The following SENP1 variants were observed in gnomAD, a reference collection of about 807,000 sequenced individuals.
The protein encoded by SENP1 is sentrin-specific protease 1.
Under a neutral mutation model 93.0 loss-of-function variants are expected in SENP1, and 21 were observed. The ratio of observed to expected loss-of-function variants is 0.23; its 90% CI spans 0.16 to 0.33. The LOEUF is 0.33. Ranked by LOEUF, SENP1 falls within the 10% of genes least tolerant of loss-of-function variation. The pLI, the probability that SENP1 is intolerant of heterozygous loss-of-function variation, is 1.00. For missense variants in SENP1, 591 were observed against 758.7 expected, an observed-to-expected ratio of 0.78 and a Z score of 2.60; for synonymous variants, 256 against 259.6, an observed-to-expected ratio of 0.99 and a Z score of 0.13.
At chr12:48,099,315 G>A (rs1945767362) in intron 2 of SENP1, among the ~76,000 whole-genome samples, 3 of 152,014 alleles carry the variant, frequency 2.0e-5, no homozygotes, top group Admixed American at 6.6e-5. Context: ...GTGACAGAGT[G>A]AGACCCTGTC....
At chr12:48,045,452 A>C (rs1347929994) in intron 17 of SENP1, 68 bp from the exon 18 acceptor site, 1 of 1,324,450 alleles carries the variant, frequency 7.6e-7, no homozygotes, top group Non-Finnish European at 1.1e-6. Context: ...CTTTCCCCAT[A>C]CTTCTTTCTT....
chr12:48,049,828 A>C (rs1941657718), intron 13 of SENP1, among the ~76,000 whole-genome samples: 1 of 152,138 alleles, frequency 6.6e-6, no homozygotes, highest in Non-Finnish European at 1.5e-5. Context: ...ATAAAAACCT[A>C]CCTTATATGA....
At chr12:48,100,440 G>C (rs1945846669) in intron 2 of SENP1, among the ~76,000 whole-genome samples, 3 of 152,102 alleles carry the variant, frequency 2.0e-5, no homozygotes, top group African/African-American at 7.2e-5. Flanking sequence ...AGACCAGCCT[G>C]GCCAACATGG....
chr12:48,054,624 T>C (rs1199160327), intron 13 of SENP1, among the ~76,000 whole-genome samples: 1 of 152,070 alleles, frequency 6.6e-6, no homozygotes, highest in East Asian at 1.9e-4. Flanking sequence ...ACCCCATCTC[T>C]ACTAAAAATA....
intron 10 of SENP1, among the ~76,000 whole-genome samples, chr12:48,066,621 C>T (rs1209243047): frequency 6.6e-6 from 1 of 151,806 alleles, no homozygotes; most frequent in African/African-American, 2.4e-5. Flanking sequence ...AAGCAATCCT[C>T]CCGCCTCAGC....
chr12:48,073,283 T>A (rs1363531411), intron 8 of SENP1, among the ~76,000 whole-genome samples: 2 of 99,068 alleles, frequency 2.0e-5, no homozygotes. Context: ...GTTTTTTGGC[T>A]TTTTTTTTTC....
intron 4 of SENP1, among the ~76,000 whole-genome samples, chr12:48,089,809 A>T (rs1945107677): frequency 6.6e-6 from 1 of 152,248 alleles, no homozygotes; most frequent in Non-Finnish European, 1.5e-5. Context: ...ACACAAGAAT[A>T]ATAATTCTCT....
rs1290056801 is a variant in SENP1, at chr12:48,085,022, G to C, written c.381-1260C>G. The stretch of plus-strand genomic sequence containing the variant: ...TGTTAAGAATGGGGAAATGAGAGTG[G>C]CTTCTGGTGCTCTGGGGTGAGCTCT... On this transcript the variant is annotated intron_variant, in intron 5 of 17. Transcript: ENST00000549518. The C allele has an allele frequency of 3.9e-6, 4 of 1,014,142 alleles. No individual in the cohort carries two copies. In the East Asian group the frequency reaches 1.0e-4, roughly 26 times the overall value. 62.8% of individuals were successfully genotyped at this position (1,014,142 alleles called of 1,614,324 possible).
chr12:48,061,370 C>T (rs959197046), intron 13 of SENP1, among the ~76,000 whole-genome samples: 1 of 152,118 alleles, frequency 6.6e-6, no homozygotes, highest in East Asian at 1.9e-4. Flanking sequence ...AAATCATTTG[C>T]AAAAGACTGA....
Position 48,105,846 on chromosome 12 carries a change from A to G in SENP1, c.-45+182T>C, listed in dbSNP as rs1946514547. The stretch of plus-strand genomic sequence containing the variant: ...GGCCACCGGCGGCCACAGCGCGGCC[A>G]CCGGACAGCAGGGGGGAGGGGAGGT... On this transcript the variant is annotated intron_variant, in intron 1 of 17. Transcript: ENST00000549518. 6.7e-6 allele frequency: 4 copies of G among 599,072 alleles called. No individual in the cohort carries two copies. The South Asian group carries it at 7.9e-5, about 12-fold the overall frequency. 37.1% of individuals were successfully genotyped at this position (599,072 alleles called of 1,614,324 possible).
intron 8 of SENP1, among the ~76,000 whole-genome samples, chr12:48,073,990 A>G (rs1294850355): frequency 6.6e-6 from 1 of 152,226 alleles, no homozygotes; most frequent in African/African-American, 2.4e-5. Context: ...TAAAGTATGT[A>G]AGTACATGTC....
intron 5 of SENP1, among the ~76,000 whole-genome samples, chr12:48,084,424 T>C (rs1438763296): frequency 6.6e-6 from 1 of 150,984 alleles, no homozygotes. Context: ...CCCTGTCTTA[T>C]ATCTAAGGCT....
chr12:48,101,345 T>C, intron 2 of SENP1, 124 bp downstream of exon 2: 2 of 761,090 alleles, frequency 2.6e-6, no homozygotes, highest in South Asian at 3.4e-5. Flanking sequence ...AGGATTAAAA[T>C]TTCTCTTAAA....
intron 5 of SENP1, among the ~76,000 whole-genome samples, 165 bp from the exon 6 acceptor site, chr12:48,083,927 A>C (rs187281386): frequency 6.6e-6 from 1 of 152,332 alleles, no homozygotes; most frequent in Non-Finnish European, 1.5e-5. Flanking sequence ...AATGATATAT[A>C]AGGATGCTGC....
intron 13 of SENP1, among the ~76,000 whole-genome samples, chr12:48,055,871 T>C (rs1942218487): frequency 7.0e-6 from 1 of 142,114 alleles, no homozygotes; most frequent in African/African-American, 2.6e-5. Flanking sequence ...AATATATTAA[T>C]ATATTACATA....
intron 5 of SENP1, among the ~76,000 whole-genome samples, chr12:48,086,624 T>C (rs936501192): frequency 2.0e-5 from 3 of 152,148 alleles, no homozygotes; most frequent in Non-Finnish European, 2.9e-5. Flanking sequence ...TTTAGTCACA[T>C]CTAAAACCTA....
At chr12:48,054,137 T>C (rs1378909494) in intron 13 of SENP1, among the ~76,000 whole-genome samples, 1 of 152,134 alleles carries the variant, frequency 6.6e-6, no homozygotes, top group Non-Finnish European at 1.5e-5. Flanking sequence ...TTTGGGTGCA[T>C]AGGATCGATC....
rs1240731849 is a variant in SENP1, at chr12:48,074,749, C to G, written c.597G>C (p.Gln199His). The change falls in exon 7 of 18, where the codon CAG (glutamine) becomes CAC (histidine). Residue 199 changes from glutamine to histidine, a missense_variant. Transcript: ENST00000549518. Reference sequence around the variant, plus strand: ...TAGTAAACTGTTTCCCTGTGACCATCTGTAGCAGCTGTCTGTAAATCTCTC... The same window carrying G: ...TAGTAAACTGTTTCCCTGTGACCATGTGTAGCAGCTGTCTGTAAATCTCTC... Reference protein sequence around the residue: ...EEREIYRQLLQMVTGKQFTIA... With the variant: ...EEREIYRQLLHMVTGKQFTIA... 2 of 1,612,932 alleles carry G rather than the reference C, an allele frequency of 1.2e-6. No homozygotes were observed. The highest frequency in any genetic ancestry group is 2.2e-5 in the East Asian group (1 of 44,860).
intron 4 of SENP1, chr12:48,089,207 T>C: frequency 6.7e-7 from 1 of 1,489,528 alleles, no homozygotes; most frequent in Non-Finnish European, 9.0e-7. Context: ...GCCATGTGCC[T>C]TATCTGCATC....
Sources: allele counts gnomAD v4.1 joint callset (sites outside exome capture counted in the v4.1 genomes callset), GRCh38; gene constraint gnomAD v4.1.1; transcripts MANE v1.5; gene names NCBI Gene and HGNC (gene_info 2026-07-23, HGNC 2026-07-21).